Variants in RYR3 observed in about 807,000 individuals in gnomAD.
The protein encoded by RYR3 is ryanodine receptor 3.
RYR3 carries 207 observed loss-of-function variants against 584.3 expected under a neutral mutation model. The ratio of observed to expected loss-of-function variants is 0.35; its 90% CI spans 0.32 to 0.40. RYR3 has a LOEUF of 0.40. Among genes scored for constraint, RYR3 ranks in the 10% least tolerant of loss-of-function variants. The probability of loss-of-function intolerance (pLI) is 1.00; values close to 1 mark genes in which losing one functional copy is unlikely to be tolerated. For missense variants in RYR3, 5,616 were observed against 6,089.2 expected, an observed-to-expected ratio of 0.92 and a Z score of 2.59; for synonymous variants, 2,416 against 2,248.5, an observed-to-expected ratio of 1.07 and a Z score of -2.11.
chr15:33,340,475 T>C (rs1020647609), intron 1 of RYR3, among the ~76,000 whole-genome samples: 5 of 152,200 alleles, frequency 3.3e-5, no homozygotes, highest in African/African-American at 4.8e-5. Context: ...TAAAACACCA[T>C]AGACTGGGTG....
At chr15:33,823,578 C>G (rs2077219466) in intron 81 of RYR3, among the ~76,000 whole-genome samples, 1 of 152,156 alleles carries the variant, frequency 6.6e-6, no homozygotes, top group African/African-American at 2.4e-5. Context: ...GACAGCGGTA[C>G]ATCCTGGCAT....
intron 1 of RYR3, among the ~76,000 whole-genome samples, chr15:33,372,358 ATTTTTTT>A (rs59663566): frequency 1.3e-5 from 1 of 75,550 alleles, no homozygotes; most frequent in Non-Finnish European, 2.4e-5. Context: ...TGCCCGGCTA[ATTTTTTT>A]TTTTTTTTTT....
At chr15:33,598,211 G>A (rs2059473245) in intron 16 of RYR3, among the ~76,000 whole-genome samples, 1 of 99,176 alleles carries the variant, frequency 1.0e-5, no homozygotes, top group Non-Finnish European at 2.0e-5. Flanking sequence ...AGATGAAAAT[G>A]GAATTCAGTT....
chr15:33,558,166 A>G (rs137955636), intron 10 of RYR3, among the ~76,000 whole-genome samples: 176 of 152,254 alleles, frequency 1.2e-3, no homozygotes, highest in Non-Finnish European at 2.2e-3. Flanking sequence ...TTACATATGT[A>G]TACACTTGCT....
chr15:33,334,722 A>G (rs534471218), intron 1 of RYR3, among the ~76,000 whole-genome samples: 17 of 152,318 alleles, frequency 1.1e-4, no homozygotes, highest in African/African-American at 4.1e-4. Flanking sequence ...AAAGAAAACT[A>G]TCAACAGAGT....
chr15:33,337,429 C>T (rs1325492809), intron 1 of RYR3, among the ~76,000 whole-genome samples: 1 of 152,128 alleles, frequency 6.6e-6, no homozygotes, highest in Non-Finnish European at 1.5e-5. Flanking sequence ...ACTGATAATT[C>T]CAAGCTTGCA....
rs567402707 is a variant in RYR3 at position 33,543,664 on chromosome 15, A to T, written c.689A>T (p.His230Leu). Residue 230 changes from histidine (H) to leucine (L), a missense_variant, in exon 8 of 104, where the codon CAT (histidine) becomes CTT (leucine). Physicochemically the swap from His to Leu is moderately conservative, Grantham distance 99 (BLOSUM62 -3). This residue lies in a region of RYR3 where 1,284 missense variants were observed against 1,344.6 expected (regional missense o/e 0.95). Transcript: ENST00000634891. ...CATGTAGTACGTCTTTTCCATGGTC[A>T]TGATGAATGTTTGACGATACCATCT... ...GGHVVRLFHG[H>L]DECLTIPSTD... 2 of 1,613,068 alleles carry T rather than the reference A, an allele frequency of 1.2e-6. No individual in the cohort carries two copies. The highest frequency in any genetic ancestry group is 2.7e-5 in the African/African-American group (2 of 75,016).
Position 33,838,265 on chromosome 15 carries a change from A to C in RYR3, c.12285A>C (p.Glu4095Asp). 6.2e-7 allele frequency: 1 copy of C among 1,613,998 alleles called. No individual in the cohort carries two copies. Among genetic ancestry groups the C allele is most frequent in the Non-Finnish European group, 8.5e-7 (1 of 1,179,882 alleles). ...FVNFCEDTIF[E>D]MQLASQISES... ...ACTTCTGTGAGGACACCATCTTTGAAATGCAGTTAGCATCTCAGATCTCTG... is the reference window on the plus strand; with the variant it reads ...ACTTCTGTGAGGACACCATCTTTGACATGCAGTTAGCATCTCAGATCTCTG... The change falls in exon 89 of 104, where the codon GAA (glutamate) becomes GAC (aspartate). Residue 4095 changes from glutamate (E) to aspartate (D), a missense_variant. Around this residue, in one of 9 missense-constraint regions of RYR3, gnomAD observed 258 missense variants for 297.3 expected, o/e 0.87. Coordinates refer to ENST00000634891, the MANE Select transcript of RYR3 (RefSeq NM_001036.6).
chr15:33,706,143 A>C (rs1021489826), intron 42 of RYR3, among the ~76,000 whole-genome samples: 2 of 152,238 alleles, frequency 1.3e-5, no homozygotes, highest in African/African-American at 4.8e-5. Context: ...TCTTATAAAA[A>C]AAAAAATAAA....
At position 33,757,856 on chromosome 15, in the gene RYR3, T is replaced by C. The variant is rs562731540; in HGVS notation, c.8705+260T>C. 95 of 473,760 alleles carry C rather than the reference T, an allele frequency of 2.0e-4. 1 individual carries two copies. In the South Asian group the frequency reaches 2.2e-3, roughly 11 times the overall value. The allele number at this position is 473,760 out of a possible 1,614,324, so 29.3% of individuals were successfully genotyped here. A position where few individuals can be genotyped will look rare whatever the true frequency, so the allele number is the denominator to read the frequency against. On this transcript the variant is annotated intron_variant, in intron 60 of 103. Coordinates refer to ENST00000634891, the MANE Select transcript of RYR3 (RefSeq NM_001036.6). ...ATCAACATCGGGACAGAGATTAAGA[T>C]GGCCGAATAGGAACAGCTCTGGTCT...
chr15:33,351,604 T>C (rs1475560453), intron 1 of RYR3, among the ~76,000 whole-genome samples: 1 of 151,066 alleles, frequency 6.6e-6, no homozygotes, highest in Non-Finnish European at 1.5e-5. Flanking sequence ...ACTGGTTCAA[T>C]ATATGCAAAT....
In RYR3 at chr15:33,838,514, G is replaced by A. The variant is rs896757768; in HGVS notation, c.12534G>A (p.Lys4178=). The change falls in exon 89 of 104, where the codon AAG becomes AAA. Residue 4178 remains lysine (K), a synonymous_variant. Transcript: ENST00000634891. ...QYRNVKKMTA[K]ELVKVLFSFF... is the part of the protein sequence containing the mutation. ...GGAACGTGAAAAAGATGACTGCGAA[G>A]GAGCTGGTGAAGGTGCTCTTCTCCT... The A allele has an allele frequency of 1.2e-6, 2 of 1,614,012 alleles. No homozygotes were observed. Among genetic ancestry groups the A allele is most frequent in the Non-Finnish European group, 1.7e-6 (2 of 1,179,872 alleles).
At chr15:33,440,519 G>A (rs1341842783) in intron 1 of RYR3, among the ~76,000 whole-genome samples, 1 of 152,164 alleles carries the variant, frequency 6.6e-6, no homozygotes, top group Admixed American at 6.5e-5. Context: ...AGTGCTATTG[G>A]CATCTAGTGG....
intron 48 of RYR3, among the ~76,000 whole-genome samples, chr15:33,733,610 G>T (rs917232538): frequency 6.6e-6 from 1 of 152,190 alleles, no homozygotes; most frequent in African/African-American, 2.4e-5. Flanking sequence ...AGATGAACAG[G>T]CTGAGCACAG....
chr15:33,836,539 TCC>T (rs1242142205), intron 87 of RYR3, among the ~76,000 whole-genome samples: 1 of 152,170 alleles, frequency 6.6e-6, no homozygotes, highest in African/African-American at 2.4e-5. Flanking sequence ...TGTCCAGTGT[TCC>T]CATAAAGCTC....
intron 31 of RYR3, 110 bp from the exon 32 acceptor site, chr15:33,652,608 G>A: frequency 2.7e-6 from 3 of 1,123,572 alleles, no homozygotes; most frequent in African/African-American, 1.6e-5. Flanking sequence ...TGAACAGAAA[G>A]CTTCCTAGGA....
At chr15:33,543,814 A>C in intron 8 of RYR3, 99 bp downstream of exon 8, 1 of 824,886 alleles carries the variant, frequency 1.2e-6, no homozygotes, top group Admixed American at 1.9e-5. Context: ...AACTCTGTAC[A>C]TGTCAGTCCA....
rs1975144945 is a variant in RYR3, at chr15:33,364,107, T to A, written c.51+53011T>A. Among the ~76,000 whole-genome samples the A allele has an allele frequency of 2.6e-5, 4 of 152,350 alleles. No homozygotes were observed. The South Asian group carries it at 6.2e-4, about 24-fold the overall frequency. On this transcript the variant is annotated intron_variant, in intron 1 of 103. Transcript: ENST00000634891. Reference sequence around the variant, plus strand: ...ATATCTCATTAGTAACTTCTTATATTGAATACATTGAAATGACAAATATCT... The same window carrying A: ...ATATCTCATTAGTAACTTCTTATATAGAATACATTGAAATGACAAATATCT...
At chr15:33,595,543 A>C (rs145386829) in intron 16 of RYR3, among the ~76,000 whole-genome samples, 180 of 152,306 alleles carry the variant, frequency 1.2e-3, no homozygotes, top group African/African-American at 4.2e-3. Flanking sequence ...TTACAATCTT[A>C]TAATCTTACA....
Sources: allele counts gnomAD v4.1 joint callset (sites outside exome capture counted in the v4.1 genomes callset), GRCh38; gene constraint gnomAD v4.1.1; regional missense constraint gnomAD v4.1.1; transcripts MANE v1.5; gene names NCBI Gene and HGNC (gene_info 2026-07-23, HGNC 2026-07-21).